The following CFH variants were observed in gnomAD, a reference collection of about 807,000 sequenced individuals.
CFH encodes complement factor H, also known as H factor 1 (complement).
CFH carries 53 observed loss-of-function variants against 147.3 expected under a neutral mutation model. That is an observed-to-expected ratio of 0.36 (90% CI 0.29 to 0.45). The LOEUF (loss-of-function observed/expected upper bound fraction) is 0.45. Ranked by LOEUF, CFH falls within the 20% of genes least tolerant of loss-of-function variation. The pLI is 1.00. For missense variants in CFH, 1,380 were observed against 1,498.0 expected, an observed-to-expected ratio of 0.92 and a Z score of 1.30; for synonymous variants, 536 against 489.4, an observed-to-expected ratio of 1.10 and a Z score of -1.26.
At chr1:196,734,995 A>G (rs1207885648) in intron 15 of CFH, among the ~76,000 whole-genome samples, 1 of 152,066 alleles carries the variant, frequency 6.6e-6, no homozygotes, top group Non-Finnish European at 1.5e-5. Flanking sequence ...AGGGTGAAAA[A>G]TGAAAACATG....
chr1:196,735,809 C>A (rs1573074966), intron 15 of CFH, among the ~76,000 whole-genome samples: 1 of 151,962 alleles, frequency 6.6e-6, no homozygotes, highest in East Asian at 1.9e-4. Flanking sequence ...ATATGAAATA[C>A]TTTATCATAA....
chr1:196,725,437 G>A (rs753524596), intron 12 of CFH, 140 bp downstream of exon 12: 58 of 759,478 alleles, frequency 7.6e-5, no homozygotes, highest in Non-Finnish European at 1.2e-4. Context: ...GACATGTATT[G>A]AGTACTGAAT....
chr1:196,712,026 T>G (rs1313459330), intron 9 of CFH, among the ~76,000 whole-genome samples: 1 of 152,160 alleles, frequency 6.6e-6, no homozygotes, highest in East Asian at 1.9e-4. Context: ...ACTCAGCAAG[T>G]GTGGCACTTT....
At chr1:196,686,311 G>T (rs571153754) in intron 7 of CFH, among the ~76,000 whole-genome samples, 1 of 152,116 alleles carries the variant, frequency 6.6e-6, no homozygotes, top group South Asian at 2.1e-4. Context: ...TATATCCAAG[G>T]GGAGAGAAAT....
chr1:196,730,362 T>C (rs753711062), intron 15 of CFH, among the ~76,000 whole-genome samples: 24 of 151,890 alleles, frequency 1.6e-4, no homozygotes, highest in Non-Finnish European at 2.8e-4. Context: ...GCATATTGTC[T>C]AATTTTCACC....
At chr1:196,684,688 A>G (rs1403259299) in intron 6 of CFH, among the ~76,000 whole-genome samples, 1 of 152,066 alleles carries the variant, frequency 6.6e-6, no homozygotes, top group Non-Finnish European at 1.5e-5. Flanking sequence ...TCAATTGTCC[A>G]GAAGAAAGAA....
rs55874457 is a variant in CFH, at chr1:196,675,655, A to T, written c.351-334A>T. 2.9e-3 allele frequency among the ~76,000 whole-genome samples: 444 copies of T among 152,180 alleles called. 2 individuals carry two copies. Among genetic ancestry groups the T allele is most frequent in the East Asian group, 0.021 (108 of 5,188 alleles). On this transcript the variant is annotated intron_variant, in intron 3 of 21. Coordinates refer to ENST00000367429, the MANE Select transcript of CFH (RefSeq NM_000186.4). The stretch of plus-strand genomic sequence containing the variant: ...AAATAAGAATACTTTGTATGAAACA[A>T]TAATGATTTTGTCGTGAACCAAGGA...
chr1:196,694,550 T>C lies in CFH; in HGVS notation c.1336+4311T>C, dbSNP rs141455841. Reference sequence around the variant, plus strand: ...TGGGATTGCTGGGTCAAATGGTATCTCTGGTTCTTGATCTTTGAGGAGTTG... The same window carrying C: ...TGGGATTGCTGGGTCAAATGGTATCCCTGGTTCTTGATCTTTGAGGAGTTG... On this transcript the variant is annotated intron_variant, in intron 9 of 21. Coordinates refer to ENST00000367429, the MANE Select transcript of CFH (RefSeq NM_000186.4). 2.9e-3 allele frequency among the ~76,000 whole-genome samples: 440 copies of C among 152,322 alleles called. 2 individuals are homozygous for C. Among genetic ancestry groups the C allele is most frequent in the East Asian group, 0.021 (107 of 5,172 alleles).
At chr1:196,701,473 T>G in intron 9 of CFH, 1 of 1,271,018 alleles carries the variant, frequency 7.9e-7, no homozygotes, top group Non-Finnish European at 1.1e-6. Context: ...GTGTGTATTA[T>G]TCCAGCCAGA....
At chr1:196,694,391 A>T (rs518572) in intron 9 of CFH, among the ~76,000 whole-genome samples, 6,586 of 152,198 alleles carry the variant, frequency 0.043, 447 homozygotes, top group African/African-American at 0.14. Context: ...CATTTTCTTT[A>T]TCCAGTCTAT....
intron 6 of CFH, among the ~76,000 whole-genome samples, chr1:196,683,350 T>G (rs1002915089): frequency 6.6e-6 from 1 of 151,818 alleles, no homozygotes; most frequent in Non-Finnish European, 1.5e-5. Context: ...AAAGCATTTC[T>G]GAATTTGGAC....
intron 1 of CFH, among the ~76,000 whole-genome samples, chr1:196,663,140 G>T (rs1276195387): frequency 6.6e-6 from 1 of 151,892 alleles, no homozygotes; most frequent in African/African-American, 2.4e-5. Flanking sequence ...TTTTTTTACT[G>T]CTTGGAATTT....
intron 17 of CFH, among the ~76,000 whole-genome samples, chr1:196,739,428 C>G (rs1307729724): frequency 6.6e-6 from 1 of 152,102 alleles, no homozygotes; most frequent in African/African-American, 2.4e-5. Context: ...TGCCAGATAC[C>G]CTAAATCATC....
At chr1:196,677,442 T>G (rs776929029) in intron 4 of CFH, 34 bp from the exon 5 acceptor site, 4 of 1,592,038 alleles carry the variant, frequency 2.5e-6, no homozygotes, top group Middle Eastern at 1.7e-4. Context: ...ACTTTTAAAA[T>G]TCCATTAGAA....
intron 9 of CFH, among the ~76,000 whole-genome samples, chr1:196,699,025 A>G (rs1668372229): frequency 6.6e-6 from 1 of 152,192 alleles, no homozygotes; most frequent in Admixed American, 6.6e-5. Context: ...AAAAACACTC[A>G]ATAAACTAGG....
Position 196,736,936 on chromosome 1 carries a change from T to G in CFH, c.2526T>G (p.Asn842Lys), listed in dbSNP as rs764674197. The part of the protein sequence containing the change: ...GEKVSVLCQE[N>K]YLIQEGEEIT... Reference sequence around the variant, plus strand: ...AAGTATCTGTTCTTTGCCAAGAAAATTATCTAATTCAGGAAGGAGAAGAAA... The same window carrying G: ...AAGTATCTGTTCTTTGCCAAGAAAAGTATCTAATTCAGGAAGGAGAAGAAA... Residue 842 changes from asparagine (N) to lysine (K), a missense_variant, in exon 16 of 22, where the codon AAT becomes AAG. Physicochemically the swap from Asn to Lys is moderately conservative, Grantham distance 94 (BLOSUM62 0). Around this residue, in one of 4 missense-constraint regions of CFH, gnomAD observed 830 missense variants for 821.4 expected, o/e 1.01. Coordinates refer to ENST00000367429, the MANE Select transcript of CFH (RefSeq NM_000186.4). 5.0e-6 allele frequency: 8 copies of G among 1,611,708 alleles called. No homozygotes were observed. In the South Asian group the frequency reaches 7.7e-5, roughly 16 times the overall value.
At chr1:196,660,039 G>A (rs763363202) in intron 1 of CFH, among the ~76,000 whole-genome samples, 1 of 152,072 alleles carries the variant, frequency 6.6e-6, no homozygotes, top group Non-Finnish European at 1.5e-5. Context: ...GTAAAGTAGG[G>A]CCTAAGAGAA....
chr1:196,688,216 G>C (rs1271207178), intron 7 of CFH, among the ~76,000 whole-genome samples: 1 of 151,726 alleles, frequency 6.6e-6, no homozygotes, highest in Non-Finnish European at 1.5e-5. Flanking sequence ...CATGAAAAGA[G>C]CAAATTTTCT....
intron 1 of CFH, among the ~76,000 whole-genome samples, chr1:196,667,815 C>A (rs1461010136): frequency 1.3e-5 from 2 of 152,034 alleles, no homozygotes; most frequent in East Asian, 3.9e-4. Context: ...ATCATGTATT[C>A]TAGTTATTTT....
Sources: allele counts gnomAD v4.1 joint callset (sites outside exome capture counted in the v4.1 genomes callset), GRCh38; gene constraint gnomAD v4.1.1; regional missense constraint gnomAD v4.1.1; transcripts MANE v1.5; gene names NCBI Gene and HGNC (gene_info 2026-07-23, HGNC 2026-07-21).